The following PHB1 variants were observed in gnomAD, a reference collection of about 807,000 sequenced individuals.
The protein encoded by PHB1 is epididymis luminal protein 215.
At chr17:49,411,546 G>T in the PHB1 span, 1 of 746,502 alleles carries the variant, frequency 1.3e-6, no homozygotes, top group Admixed American at 2.7e-5. Context: ...AGGGCAAGTA[G>T]TCTAGTCATT....
the PHB1 span, among the ~76,000 whole-genome samples, chr17:49,405,618 G>C: frequency 6.6e-6 from 1 of 152,110 alleles, no homozygotes; most frequent in African/African-American, 2.4e-5. Flanking sequence ...CTTCATCAAA[G>C]CCAGGACAGG....
the PHB1 span, chr17:49,413,402 T>G: frequency 9.3e-6 from 6 of 648,420 alleles, no homozygotes; most frequent in East Asian, 1.7e-4. Context: ...TCCCCATTCC[T>G]GAAAGTGCTA....
At chr17:49,408,112 T>C in the PHB1 span, among the ~76,000 whole-genome samples, 1 of 152,298 alleles carries the variant, frequency 6.6e-6, no homozygotes, top group East Asian at 1.9e-4. Context: ...GGTGTTCAGG[T>C]TAACGGTAAT....
At chr17:49,408,342 C>T in the PHB1 span, among the ~76,000 whole-genome samples, 1 of 152,346 alleles carries the variant, frequency 6.6e-6, no homozygotes, top group South Asian at 2.1e-4. Flanking sequence ...AACACTTTAC[C>T]TCACTGCCCG....
the PHB1 span, chr17:49,405,086 T>C: frequency 6.2e-7 from 1 of 1,611,152 alleles, no homozygotes; most frequent in Non-Finnish European, 8.5e-7. Context: ...CTCTGCAGCT[T>C]CCAGCTTGCG....
chr17:49,407,709 C>G, the PHB1 span, among the ~76,000 whole-genome samples: 51 of 152,312 alleles, frequency 3.3e-4, no homozygotes, highest in Non-Finnish European at 3.7e-4. Flanking sequence ...ATTTCCTCCA[C>G]TCTCCCAACC....
chr17:49,408,824 A>T, the PHB1 span: 1 of 534,566 alleles, frequency 1.9e-6, no homozygotes, highest in East Asian at 3.1e-5. Context: ...ATACAACCAG[A>T]GGTCATAAGA....
At chr17:49,405,097 C>T in the PHB1 span, 7 of 1,612,708 alleles carry the variant, frequency 4.3e-6, no homozygotes, top group Non-Finnish European at 5.1e-6. Flanking sequence ...CCAGCTTGCG[C>T]AGCTCGATCA....
chr17:49,408,266 A>G, the PHB1 span, among the ~76,000 whole-genome samples: 1 of 152,180 alleles, frequency 6.6e-6, no homozygotes, highest in African/African-American at 2.4e-5. Flanking sequence ...GGCTGTTTAA[A>G]CAGCTGCACA....
chr17:49,408,980 A>G, the PHB1 span: 1 of 1,010,232 alleles, frequency 9.9e-7, no homozygotes, highest in Non-Finnish European at 1.5e-6. Flanking sequence ...CCAGAAATGG[A>G]GCCAGGCACC....
At chr17:49,413,291 C>T in the PHB1 span, 1 of 1,560,494 alleles carries the variant, frequency 6.4e-7, no homozygotes, top group Non-Finnish European at 8.7e-7. Context: ...CCCTCTCACA[C>T]CTAAGGGGAT....
At chr17:49,413,473 ATTC>A in the PHB1 span, among the ~76,000 whole-genome samples, 4 of 142,246 alleles carry the variant, frequency 2.8e-5, no homozygotes, top group Non-Finnish European at 6.0e-5. Context: ...TGTACTATCA[ATTC>A]TTCTGCTTTT....
chr17:49,411,059 CA>C, the PHB1 span, among the ~76,000 whole-genome samples: 1 of 152,130 alleles, frequency 6.6e-6, no homozygotes, highest in Non-Finnish European at 1.5e-5. Flanking sequence ...GAGAGGTGGG[CA>C]ATGTATTAAT....
chr17:49,411,647 C>T, the PHB1 span: 1 of 1,602,912 alleles, frequency 6.2e-7, no homozygotes, highest in Non-Finnish European at 8.5e-7. Context: ...TCCACACTCC[C>T]TACTTTACCT....
At chr17:49,408,282 C>CG in the PHB1 span, among the ~76,000 whole-genome samples, 1 of 152,252 alleles carries the variant, frequency 6.6e-6, no homozygotes, top group African/African-American at 2.4e-5. Context: ...GCACAGATGC[C>CG]GGGGGAGGCA....
At chr17:49,405,346 G>A in the PHB1 span, 2 of 653,208 alleles carry the variant, frequency 3.1e-6, no homozygotes, top group South Asian at 1.9e-5. Context: ...TGGCTAGCGG[G>A]GGAAGCGGGG....
the PHB1 span, among the ~76,000 whole-genome samples, chr17:49,411,260 G>C: frequency 6.7e-6 from 1 of 149,092 alleles, no homozygotes. Flanking sequence ...CAGTGAAGTG[G>C]CACAATCTTA....
chr17:49,409,578 G>A, the PHB1 span: 3 of 901,108 alleles, frequency 3.3e-6, no homozygotes, highest in South Asian at 4.9e-5. Flanking sequence ...TTTTGCTCTT[G>A]TTGCCTAGGC....
the PHB1 span, chr17:49,409,532 G>GTT: frequency 5.5e-4 from 410 of 743,438 alleles, no homozygotes; most frequent in Middle Eastern, 7.4e-4. Flanking sequence ...GAAAACAAGT[G>GTT]TTTTTTTTTT....
Sources: allele counts gnomAD v4.1 joint callset (sites outside exome capture counted in the v4.1 genomes callset), GRCh38; gene constraint gnomAD v4.1.1; transcripts MANE v1.5; gene names NCBI Gene and HGNC (gene_info 2026-07-23, HGNC 2026-07-21).